The following ST14 variants were observed in gnomAD, a reference collection of about 807,000 sequenced individuals.
ST14 encodes suppressor of tumorigenicity 14 protein.
A neutral mutation model predicts 96.5 loss-of-function variants in ST14; 40 were observed. That is an observed-to-expected ratio of 0.41 (90% CI 0.32 to 0.54). ST14 has a LOEUF of 0.54. ST14 is among the 20% of genes least tolerant of loss of function. The pLI is 0.17. For missense variants in ST14, 1,066 were observed against 1,188.9 expected (o/e 0.90, Z 1.52); for synonymous variants, 506 against 492.1 (o/e 1.03, Z -0.37).
At chr11:130,167,210 C>CA (rs952980264) in intron 1 of ST14, among the ~76,000 whole-genome samples, 1 of 151,884 alleles carries the variant, frequency 6.6e-6, no homozygotes, top group African/African-American at 2.4e-5. Context: ...GACTCTGTCT[C>CA]AAAAAAAATT....
chr11:130,161,767 G>A (rs1459069618), intron 1 of ST14, among the ~76,000 whole-genome samples: 2 of 152,118 alleles, frequency 1.3e-5, no homozygotes, highest in African/African-American at 4.8e-5. Context: ...TTCTCCTGCC[G>A]AGCTTTATTG....
Position 130,160,057 on chromosome 11 carries a change from C to T in ST14, c.78C>T (p.His26=), listed in dbSNP as rs1952987199. The stretch of plus-strand genomic sequence containing the variant: ...CGGGACTCAAGTACAACTCCCGGCA[C>T]GAGGTGAGCGCGGGCCGGGGACCCG... The part of the protein sequence containing the change: ...FGAGLKYNSR[H]EKVNGLEEGV... Residue 26 remains histidine (H), a synonymous_variant, in exon 1 of 19, where the codon CAC becomes CAT. Coordinates refer to ENST00000278742, the MANE Select transcript of ST14 (RefSeq NM_021978.4). 14 of 1,429,524 alleles carry T rather than the reference C, an allele frequency of 9.8e-6. No individual in the cohort carries two copies. The highest frequency in any genetic ancestry group is 9.2e-6 in the Non-Finnish European group (10 of 1,083,200). 88.6% of individuals were successfully genotyped at this position (1,429,524 alleles called of 1,614,324 possible). A position where few individuals can be genotyped will look rare whatever the true frequency, so the allele number is the denominator to read the frequency against.
intron 1 of ST14, among the ~76,000 whole-genome samples, chr11:130,166,418 C>T (rs1361528477): frequency 6.6e-6 from 1 of 152,176 alleles, no homozygotes; most frequent in African/African-American, 2.4e-5. Context: ...AAAGGCTGTG[C>T]CTAAGGGGGG....
chr11:130,197,282 T>C (rs1166383494), intron 11 of ST14, among the ~76,000 whole-genome samples: 1 of 152,274 alleles, frequency 6.6e-6, no homozygotes, highest in Non-Finnish European at 1.5e-5. Flanking sequence ...AACACTTACC[T>C]GTGACCGAAG....
chr11:130,191,838 C>T (rs1953306369), intron 7 of ST14, among the ~76,000 whole-genome samples: 1 of 152,110 alleles, frequency 6.6e-6, no homozygotes, highest in Non-Finnish European at 1.5e-5. Context: ...GATACTTGGG[C>T]CTGGGGTGGT....
At chr11:130,205,537 G>A (rs73038977) in intron 16 of ST14, among the ~76,000 whole-genome samples, 13,086 of 152,064 alleles carry the variant, frequency 0.086, 609 homozygotes, top group East Asian at 0.17. Context: ...TTTCCCAACT[G>A]GGGGCAGCCA....
intron 6 of ST14, 138 bp downstream of exon 6, chr11:130,190,286 TC>T: frequency 6.8e-7 from 1 of 1,474,308 alleles, no homozygotes; most frequent in Non-Finnish European, 9.4e-7. Context: ...CCCTTCCTCT[TC>T]CAGGCCCTTC....
intron 12 of ST14, 123 bp downstream of exon 12, chr11:130,198,068 C>A: frequency 1.9e-6 from 2 of 1,075,940 alleles, no homozygotes; most frequent in South Asian, 1.4e-5. Context: ...TTGCTCTCGG[C>A]CCTGTGTAGA....
chr11:130,184,228 T>C (rs1953218293), intron 1 of ST14, among the ~76,000 whole-genome samples: 1 of 152,210 alleles, frequency 6.6e-6, no homozygotes, highest in African/African-American at 2.4e-5. Flanking sequence ...ATGCCCAAAA[T>C]TGTACACTTA....
chr11:130,190,946 G>A (rs947103289), intron 7 of ST14, among the ~76,000 whole-genome samples: 6 of 152,332 alleles, frequency 3.9e-5, no homozygotes, highest in Admixed American at 3.3e-4. Context: ...CAGCCTGTGC[G>A]GCCTGTGCCC....
At chr11:130,208,026 A>T (rs1295520976) in intron 16 of ST14, among the ~76,000 whole-genome samples, 2 of 152,176 alleles carry the variant, frequency 1.3e-5, no homozygotes, top group African/African-American at 4.8e-5. Context: ...AGCCGAGATC[A>T]TGCCACCACC....
chr11:130,183,283 C>T lies in ST14; in HGVS notation c.82-4831C>T, dbSNP rs533580250. Among the ~76,000 whole-genome samples, 3 of 152,316 alleles carry T rather than the reference C, an allele frequency of 2.0e-5. No homozygotes were observed. The East Asian group carries it at 5.8e-4, about 29-fold the overall frequency. ...CCTACATTTCTTATACATATATACACATACATGGTCTGTTCAGAGTGTAGC... is the reference window on the plus strand; with the variant it reads ...CCTACATTTCTTATACATATATACATATACATGGTCTGTTCAGAGTGTAGC... On this transcript the variant is annotated intron_variant, in intron 1 of 18. Transcript: ENST00000278742.
chr11:130,207,465 C>T (rs1382376427), intron 16 of ST14, among the ~76,000 whole-genome samples: 2 of 152,318 alleles, frequency 1.3e-5, no homozygotes, highest in East Asian at 3.9e-4. Context: ...GCAGGAGAAT[C>T]GCTTGAACCT....
chr11:130,190,082 GA>G (rs762337013), intron 5 of ST14, 30 bp from the exon 6 acceptor site: 1 of 1,614,132 alleles, frequency 6.2e-7, no homozygotes, highest in Non-Finnish European at 8.5e-7. Context: ...ATTGTATCAG[GA>G]AATGCTTTAT....
intron 11 of ST14, among the ~76,000 whole-genome samples, chr11:130,197,318 T>A (rs1332258296): frequency 6.6e-6 from 1 of 152,228 alleles, no homozygotes; most frequent in Non-Finnish European, 1.5e-5. Context: ...GCGGTGACAA[T>A]GGTCTCCTTA....
chr11:130,169,807 A>T (rs971203336), intron 1 of ST14, among the ~76,000 whole-genome samples: 5 of 152,302 alleles, frequency 3.3e-5, no homozygotes, highest in Admixed American at 3.3e-4. Context: ...GTGAAATCAG[A>T]ATGTGGATTT....
intron 1 of ST14, among the ~76,000 whole-genome samples, chr11:130,168,429 G>A (rs1210972677): frequency 2.0e-5 from 3 of 152,160 alleles, no homozygotes; most frequent in Non-Finnish European, 2.9e-5. Flanking sequence ...GAGAGCACAC[G>A]AGCACCGATG....
chr11:130,189,268 C>T (rs1953269997), intron 4 of ST14: 2 of 499,322 alleles, frequency 4.0e-6, no homozygotes, highest in Admixed American at 3.4e-5. Flanking sequence ...TTCAATGAGC[C>T]CCCACATTTT....
intron 7 of ST14, among the ~76,000 whole-genome samples, chr11:130,192,909 TCTGGAG>T (rs1361449767): frequency 1.3e-5 from 2 of 152,172 alleles, no homozygotes; most frequent in African/African-American, 4.8e-5. Flanking sequence ...CAGTGTGGAC[TCTGGAG>T]CTTGAATGCC....
Sources: gnomAD v4.1 joint callset for allele counts (sites outside exome capture counted in the v4.1 genomes callset) on GRCh38, gnomAD v4.1.1 for gene constraint, MANE v1.5 for transcripts, NCBI Gene and HGNC (gene_info 2026-07-23, HGNC 2026-07-21) for gene names.